Variants in TTBK2 observed in about 807,000 individuals in gnomAD.
TTBK2 encodes the protein tau tubulin kinase 2.
A neutral mutation model predicts 110.8 loss-of-function variants in TTBK2; 28 were observed. The ratio of observed to expected loss-of-function variants is 0.25; its 90% CI spans 0.19 to 0.35. The LOEUF (loss-of-function observed/expected upper bound fraction) is 0.35, where lower values mean the gene tolerates loss of function less well. Ranked by LOEUF, TTBK2 falls within the 10% of genes least tolerant of loss-of-function variation. TTBK2 has a pLI of 1.00. For synonymous variants in TTBK2, 532 were observed against 527.3 expected, an observed-to-expected ratio of 1.01 and a Z score of -0.12; for missense variants, 1,369 against 1,500.3, an observed-to-expected ratio of 0.91 and a Z score of 1.45.
At chr15:42,882,022 A>C (rs1895069560) in intron 1 of TTBK2, among the ~76,000 whole-genome samples, 2 of 152,182 alleles carry the variant, frequency 1.3e-5, no homozygotes, top group African/African-American at 4.8e-5. Flanking sequence ...TGTGAAGATA[A>C]AATATTTTTA....
At chr15:42,878,397 T>C in intron 2 of TTBK2, 152 bp downstream of exon 2, 1 of 1,458,042 alleles carries the variant, frequency 6.9e-7, no homozygotes, top group South Asian at 1.3e-5. Flanking sequence ...AAAATAACTG[T>C]AAATAACTGC....
intron 1 of TTBK2, among the ~76,000 whole-genome samples, chr15:42,908,740 C>T (rs918679404): frequency 1.3e-5 from 2 of 151,958 alleles, no homozygotes; most frequent in Non-Finnish European, 2.9e-5. Flanking sequence ...TAATGCATAC[C>T]CTGTGACTCA....
chr15:42,899,283 C>T (rs1895788610), intron 1 of TTBK2, among the ~76,000 whole-genome samples: 1 of 151,824 alleles, frequency 6.6e-6, no homozygotes, highest in East Asian at 2.0e-4. Context: ...CAGGTGAGAG[C>T]CACTGTGCCT....
At chr15:42,833,819 C>T (rs1892876184) in intron 4 of TTBK2, among the ~76,000 whole-genome samples, 1 of 152,032 alleles carries the variant, frequency 6.6e-6, no homozygotes, top group African/African-American at 2.4e-5. Flanking sequence ...ACCATCCTGG[C>T]CAACATGGTA....
At chr15:42,911,798 A>C (rs1260131518) in intron 1 of TTBK2, among the ~76,000 whole-genome samples, 1 of 152,226 alleles carries the variant, frequency 6.6e-6, no homozygotes, top group Non-Finnish European at 1.5e-5. Context: ...GCAAAGGCAC[A>C]GAAGAGGAAA....
chr15:42,783,916 G>C (rs910607185), intron 10 of TTBK2, among the ~76,000 whole-genome samples: 1 of 151,848 alleles, frequency 6.6e-6, no homozygotes, highest in Non-Finnish European at 1.5e-5. Context: ...ACAAAAATTA[G>C]CTGGGCGTGG....
At chr15:42,793,416 G>A (rs1890786394) in intron 10 of TTBK2, among the ~76,000 whole-genome samples, 1 of 152,140 alleles carries the variant, frequency 6.6e-6, no homozygotes, top group Non-Finnish European at 1.5e-5. Flanking sequence ...GGGCACAAGG[G>A]TGCATGTCTG....
Position 42,759,198 on chromosome 15 carries a change from C to A in TTBK2, c.1999-5951G>T, listed in dbSNP as rs758200641. 3.3e-4 allele frequency among the ~76,000 whole-genome samples: 50 copies of A among 152,246 alleles called. 1 individual carries two copies. Among genetic ancestry groups the A allele is most frequent in the Non-Finnish European group, 6.0e-4 (41 of 68,038 alleles). ...CAGGAAAACTAACCCCTGCCATGCA[C>A]ACTTCCAGGTAGAGAAACAGTCTGG... is the stretch of plus-strand genomic sequence containing the variant. On this transcript the variant is annotated intron_variant, in intron 13 of 14. Transcript: ENST00000267890.
At position 42,766,446 on chromosome 15, in the gene TTBK2, C is replaced by CAAAAAAAAAAAAAAAAAA. The variant is rs567972612; in HGVS notation, c.1998+8671_1998+8688dup. Among the ~76,000 whole-genome samples the CAAAAAAAAAAAAAAAAAA allele has an allele frequency of 2.7e-3, 84 of 30,844 alleles. 13 individuals carry two copies. Among genetic ancestry groups the CAAAAAAAAAAAAAAAAAA allele is most frequent in the African/African-American group, 0.01 (32 of 3,082 alleles). The allele number at this position is 30,844 out of a possible 152,430, so 20.2% of individuals were successfully genotyped here. A position where few individuals can be genotyped will look rare whatever the true frequency, so the allele number is the denominator to read the frequency against. ...GAAGATCTACCAAGCGAATGGAAAG[C>CAAAAAAAAAAAAAAAAAA]AAAAAAAAAAAAAAAAAAAAAGCAA... On this transcript the variant is annotated intron_variant, in intron 13 of 14. Transcript: ENST00000267890.
chr15:42,861,458 A>G (rs1894154168), intron 3 of TTBK2, among the ~76,000 whole-genome samples: 1 of 152,232 alleles, frequency 6.6e-6, no homozygotes, highest in Non-Finnish European at 1.5e-5. Flanking sequence ...TCAAAACTAC[A>G]AAAATACATG....
At chr15:42,918,907 C>T (rs1247519107) in intron 1 of TTBK2, among the ~76,000 whole-genome samples, 1 of 152,176 alleles carries the variant, frequency 6.6e-6, no homozygotes, top group Non-Finnish European at 1.5e-5. Flanking sequence ...ATATTATTCT[C>T]AGCCCCCTAA....
chr15:42,886,509 G>A lies in TTBK2; in HGVS notation c.-67-7825C>T, dbSNP rs117005263. On this transcript the variant is annotated intron_variant, in intron 1 of 14. Transcript: ENST00000267890. Reference sequence around the variant, plus strand: ...GGCAGCAACTCTTAGACGCTTTACCGCCCTAGACCCAGGCGGGCCAGAGGC... The same window carrying A: ...GGCAGCAACTCTTAGACGCTTTACCACCCTAGACCCAGGCGGGCCAGAGGC... 2.0e-3 allele frequency among the ~76,000 whole-genome samples: 311 copies of A among 152,206 alleles called. 4 individuals carry two copies. In the East Asian group the frequency reaches 0.052, roughly 25 times the overall value.
At chr15:42,845,743 T>C (rs1004752466) in intron 3 of TTBK2, among the ~76,000 whole-genome samples, 1 of 151,632 alleles carries the variant, frequency 6.6e-6, no homozygotes, top group African/African-American at 2.4e-5. Flanking sequence ...GGATATGTGC[T>C]GAGAAATGCA....
At chr15:42,816,112 ATATATATG>A (rs1290833278) in intron 7 of TTBK2, among the ~76,000 whole-genome samples, 1 of 122,940 alleles carries the variant, frequency 8.1e-6, no homozygotes, top group African/African-American at 3.5e-5. Flanking sequence ...ATATATATAT[ATATATATG>A]TGTATATTTT....
At chr15:42,834,618 T>G (rs1201729332) in intron 4 of TTBK2, among the ~76,000 whole-genome samples, 1 of 152,036 alleles carries the variant, frequency 6.6e-6, no homozygotes, top group African/African-American at 2.4e-5. Context: ...ATGAGACAAT[T>G]TGAATATTAA....
At chr15:42,894,775 GAC>G (rs1257119258) in intron 1 of TTBK2, among the ~76,000 whole-genome samples, 1 of 151,920 alleles carries the variant, frequency 6.6e-6, no homozygotes, top group East Asian at 1.9e-4. Flanking sequence ...AAAAATAAGA[GAC>G]CCATATCCCT....
chr15:42,834,196 A>AGGG lies in TTBK2; in HGVS notation c.292-4121_292-4119dup, dbSNP rs144301772. 7.0e-3 allele frequency among the ~76,000 whole-genome samples: 872 copies of AGGG among 124,212 alleles called. 54 individuals are homozygous for AGGG. The highest frequency in any genetic ancestry group is 0.023 in the African/African-American group (683 of 29,702). The allele number at this position is 124,212 out of a possible 152,430, so 81.5% of individuals were successfully genotyped here. ...AAGACCCCATCTCAAAAAAAAAAAA[A>AGGG]GGGGGGGGGTGTATAAAAGGAAAGA... On this transcript the variant is annotated intron_variant, in intron 4 of 14. Coordinates refer to ENST00000267890, the MANE Select transcript of TTBK2 (RefSeq NM_173500.4).
chr15:42,756,872 AAC>A (rs1372506755), intron 13 of TTBK2, among the ~76,000 whole-genome samples: 9 of 151,828 alleles, frequency 5.9e-5, no homozygotes, highest in African/African-American at 1.9e-4. Context: ...CCTCAAAAAA[AAC>A]AAAAACAAAA....
intron 13 of TTBK2, among the ~76,000 whole-genome samples, chr15:42,762,580 G>T (rs2140664148): frequency 6.6e-6 from 1 of 152,288 alleles, no homozygotes; most frequent in South Asian, 2.1e-4. Context: ...AGCCAGGCAT[G>T]GTGGCATGTG....
Sources: gnomAD v4.1 joint callset for allele counts (sites outside exome capture counted in the v4.1 genomes callset) on GRCh38, gnomAD v4.1.1 for gene constraint, MANE v1.5 for transcripts, NCBI Gene and HGNC (gene_info 2026-07-23, HGNC 2026-07-21) for gene names.